Variants in ZNF516 observed in about 807,000 individuals in gnomAD.
ZNF516 encodes the protein zinc finger protein 516.
ZNF516 carries 19 observed loss-of-function variants against 79.7 expected under a neutral mutation model. The ratio of observed to expected loss-of-function variants is 0.24; its 90% CI spans 0.17 to 0.35. The LOEUF (loss-of-function observed/expected upper bound fraction) is 0.35. ZNF516 is among the 10% of genes least tolerant of loss of function. The probability of loss-of-function intolerance (pLI) is 1.00; values close to 1 mark genes in which losing one functional copy is unlikely to be tolerated. For synonymous variants in ZNF516, 877 were observed against 739.5 expected (o/e 1.19, Z -3.02); for missense variants, 1,678 against 1,679.5 (o/e 1.00, Z 0.02).
intron 1 of ZNF516, among the ~76,000 whole-genome samples, chr18:76,483,709 G>A (rs577389005): frequency 4.7e-4 from 72 of 152,160 alleles, no homozygotes; most frequent in Admixed American, 4.6e-3. Flanking sequence ...TATATCCCAC[G>A]TTGGTCACTT....
At chr18:76,480,708 G>GT (rs1416376612) in intron 1 of ZNF516, among the ~76,000 whole-genome samples, 9 of 152,074 alleles carry the variant, frequency 5.9e-5, no homozygotes, top group African/African-American at 9.7e-5. Context: ...TTTTAGTAGA[G>GT]ATGGGGTTTT....
intron 2 of ZNF516, among the ~76,000 whole-genome samples, chr18:76,452,486 C>G (rs965715767): frequency 6.6e-6 from 1 of 152,224 alleles, no homozygotes; most frequent in African/African-American, 2.4e-5. Flanking sequence ...TTCTCCGGCT[C>G]TGCACCTCAG....
At position 76,442,819 on chromosome 18, in the gene ZNF516, A is replaced by G; in HGVS notation, c.236T>C (p.Ile79Thr). The change falls in exon 3 of 7, where the codon ATT becomes ACT. Residue 79 changes from isoleucine (I) to threonine (T), a missense_variant. Coordinates refer to ENST00000443185, the MANE Select transcript of ZNF516 (RefSeq NM_014643.4). ...HRASQKGNLK[I>T]HIRSHRTGTL... Reference sequence around the variant, plus strand: ...CCCCGTGCGGTGGCTCCGGATGTGAATCTTCAGGTTGCCCTTCTGGGAAGC... The same window carrying G: ...CCCCGTGCGGTGGCTCCGGATGTGAGTCTTCAGGTTGCCCTTCTGGGAAGC... 2 of 1,612,490 alleles carry G rather than the reference A, an allele frequency of 1.2e-6. No individual in the cohort carries two copies. The highest frequency in any genetic ancestry group is 1.7e-6 in the Non-Finnish European group (2 of 1,179,256).
At chr18:76,490,931 C>A (rs571042993) in intron 1 of ZNF516, 11 of 985,376 alleles carry the variant, frequency 1.1e-5, no homozygotes, top group African/African-American at 3.5e-5. Flanking sequence ...CTCTTTACCG[C>A]GGAGACACTG....
chr18:76,372,301 G>A (rs1211079585), intron 4 of ZNF516, among the ~76,000 whole-genome samples: 1 of 152,276 alleles, frequency 6.6e-6, no homozygotes, highest in East Asian at 1.9e-4. Context: ...GATGCAGAGA[G>A]CGTTTATTTG....
chr18:76,495,587 C>T (rs565964657), upstream of ZNF516: 6 of 341,120 alleles, frequency 1.8e-5, no homozygotes, highest in Non-Finnish European at 2.6e-5. Context: ...CCTAATAGCA[C>T]TGAATCACGG....
At chr18:76,490,929 C>T (rs934279777) in intron 1 of ZNF516, 2 of 985,598 alleles carry the variant, frequency 2.0e-6, no homozygotes, top group Non-Finnish European at 2.4e-6. Context: ...GCCTCTTTAC[C>T]GCGGAGACAC....
intron 4 of ZNF516, among the ~76,000 whole-genome samples, chr18:76,376,308 A>C (rs1382506849): frequency 2.6e-5 from 4 of 152,176 alleles, no homozygotes; most frequent in Non-Finnish European, 4.4e-5. Flanking sequence ...CCGGGAAGCC[A>C]GGATCCTAAT....
At position 76,381,148 on chromosome 18, in the gene ZNF516, G is replaced by A. The variant is rs907149163; in HGVS notation, c.1811-845C>T. Among the ~76,000 whole-genome samples, 201 of 152,232 alleles carry A rather than the reference G, an allele frequency of 1.3e-3. 3 individuals carry two copies. The highest frequency in any genetic ancestry group is 5.8e-4 in the East Asian group (3 of 5,194). ...CCCTCCCACTTTACCCAAGGAACGC[G>A]TGAGACAGGGAGAAACACAGCCGAG... On this transcript the variant is annotated intron_variant, in intron 3 of 6. Coordinates refer to ENST00000443185, the MANE Select transcript of ZNF516 (RefSeq NM_014643.4).
intron 3 of ZNF516, among the ~76,000 whole-genome samples, chr18:76,404,914 C>T (rs1310873930): frequency 2.0e-5 from 3 of 152,094 alleles, no homozygotes; most frequent in Admixed American, 2.0e-4. Context: ...GTGTGTGGGG[C>T]CGTCCCTGCA....
upstream of ZNF516, chr18:76,495,885 C>T (rs1235814888): frequency 4.3e-6 from 2 of 460,664 alleles, no homozygotes; most frequent in Non-Finnish European, 6.5e-6. Flanking sequence ...ACATTAAGTC[C>T]TGAATCAAGG....
intron 4 of ZNF516, among the ~76,000 whole-genome samples, chr18:76,374,763 G>A (rs1243477892): frequency 1.3e-5 from 2 of 152,146 alleles, no homozygotes; most frequent in Non-Finnish European, 2.9e-5. Context: ...CAGCAATAGG[G>A]GTAATCAATG....
intron 3 of ZNF516, among the ~76,000 whole-genome samples, chr18:76,424,107 C>T (rs1316347635): frequency 1.1e-4 from 12 of 109,434 alleles, no homozygotes; most frequent in East Asian, 3.0e-4. Context: ...GAAAAGGCTC[C>T]CCCGAAACAC....
At chr18:76,482,125 GGA>G (rs1451824729) in intron 1 of ZNF516, among the ~76,000 whole-genome samples, 5 of 152,082 alleles carry the variant, frequency 3.3e-5, no homozygotes, top group African/African-American at 1.2e-4. Context: ...TTCCTTCATG[GGA>G]GAACTGATGC....
chr18:76,444,245 G>A (rs1359273304), intron 2 of ZNF516, among the ~76,000 whole-genome samples: 2 of 152,122 alleles, frequency 1.3e-5, no homozygotes, highest in Non-Finnish European at 2.9e-5. Context: ...AAGAGGGAGG[G>A]GCTGCACAGA....
At chr18:76,461,995 C>T (rs1488859143) in intron 2 of ZNF516, among the ~76,000 whole-genome samples, 1 of 152,242 alleles carries the variant, frequency 6.6e-6, no homozygotes, top group Non-Finnish European at 1.5e-5. Context: ...TGCCCAAGCC[C>T]GGATATCAAG....
chr18:76,369,906 C>T (rs1174090976), intron 6 of ZNF516, among the ~76,000 whole-genome samples: 10 of 152,228 alleles, frequency 6.6e-5, no homozygotes, highest in African/African-American at 2.4e-4. Flanking sequence ...CCGCTGCGGG[C>T]TGTGGGTGCC....
chr18:76,388,119 C>T (rs1323577249), intron 3 of ZNF516: 1 of 152,276 alleles, frequency 6.6e-6, no homozygotes, highest in African/African-American at 2.4e-5. Flanking sequence ...CACTCCATCC[C>T]CTTTCCAGCT....
At chr18:76,444,657 G>A (rs1016942253) in intron 2 of ZNF516, among the ~76,000 whole-genome samples, 1 of 152,156 alleles carries the variant, frequency 6.6e-6, no homozygotes, top group Admixed American at 6.5e-5. Flanking sequence ...ATGGGACACA[G>A]AAAAGAATAC....
Sources: allele counts gnomAD v4.1 joint callset (sites outside exome capture counted in the v4.1 genomes callset), GRCh38; gene constraint gnomAD v4.1.1; transcripts MANE v1.5; gene names NCBI Gene and HGNC (gene_info 2026-07-23, HGNC 2026-07-21).